The following PCDHA13 variants were observed in gnomAD, a reference collection of about 807,000 sequenced individuals.
PCDHA13 encodes the protein protocadherin alpha-13.
A neutral mutation model predicts 64.8 loss-of-function variants in PCDHA13; 54 were observed. The ratio of observed to expected loss-of-function variants is 0.83; its 90% CI spans 0.67 to 1.04. The LOEUF (loss-of-function observed/expected upper bound fraction) is 1.04. Among genes scored for constraint, PCDHA13 ranks in the 50% least tolerant of loss-of-function variants. The pLI is 0.00. For missense variants in PCDHA13, 1,248 were observed against 1,254.3 expected (o/e 0.99, Z 0.08); for synonymous variants, 587 against 564.4 (o/e 1.04, Z -0.57).
intron 1 of PCDHA13, among the ~76,000 whole-genome samples, chr5:140,889,267 A>T (rs1376262292): frequency 6.6e-6 from 1 of 151,966 alleles, no homozygotes; most frequent in Non-Finnish European, 1.5e-5. Context: ...AAGTTTGTAT[A>T]ATCTTTGAAT....
chr5:140,946,631 T>TATATACACAC (rs57893927), intron 1 of PCDHA13, among the ~76,000 whole-genome samples: 7 of 131,846 alleles, frequency 5.3e-5, no homozygotes, highest in Non-Finnish European at 1.1e-4. Context: ...TATATATATA[T>TATATACACAC]ACAATGGAAT....
intron 1 of PCDHA13, chr5:140,968,123 C>A: frequency 6.2e-7 from 1 of 1,614,178 alleles, no homozygotes; most frequent in Non-Finnish European, 8.5e-7. Context: ...CACATCCCTG[C>A]GTACACTGAA....
At chr5:140,952,345 A>G (rs1199209045) in intron 1 of PCDHA13, among the ~76,000 whole-genome samples, 2 of 151,900 alleles carry the variant, frequency 1.3e-5, no homozygotes, top group Non-Finnish European at 2.9e-5. Context: ...TCTCAAAAAA[A>G]AAAAAAAAAG....
chr5:140,982,475 C>T lies in PCDHA13; in HGVS notation c.2454C>T (p.Ser818=). The change falls in exon 3 of 4, where the codon AGC becomes AGT. Residue 818 remains serine, a splice_region_variant and synonymous_variant. Coordinates refer to ENST00000289272, the MANE Select transcript of PCDHA13 (RefSeq NM_018904.3). ...TATCTGGGTCTGTGTGTTTATTCAG[C>T]TCTGTGCACCTAGAGGAGGCTGGCA... The part of the protein sequence containing the change: ...YSASLRAGMH[S]SVHLEEAGIL... 1 of 1,614,154 alleles carries T rather than the reference C, an allele frequency of 6.2e-7. No homozygotes were observed. Among genetic ancestry groups the T allele is most frequent in the African/African-American group, 1.3e-5 (1 of 75,040 alleles).
chr5:140,999,056 C>T (rs1256829495), intron 3 of PCDHA13, among the ~76,000 whole-genome samples: 4 of 152,212 alleles, frequency 2.6e-5, no homozygotes, highest in Non-Finnish European at 5.9e-5. Context: ...TCCACCATGC[C>T]TAAGTAGTCT....
intron 1 of PCDHA13, chr5:140,967,982 G>T (rs1563372383): frequency 1.9e-6 from 3 of 1,614,224 alleles, no homozygotes; most frequent in Non-Finnish European, 2.5e-6. Context: ...GGGTCTGGAG[G>T]CCACACTGCC....
chr5:141,005,118 C>T (rs546410334), intron 3 of PCDHA13, among the ~76,000 whole-genome samples: 1 of 152,198 alleles, frequency 6.6e-6, no homozygotes, highest in South Asian at 2.1e-4. Flanking sequence ...CTTTAGGGAC[C>T]CCAAAAGTGC....
intron 1 of PCDHA13, among the ~76,000 whole-genome samples, chr5:140,916,135 T>TG (rs1178819787): frequency 6.6e-6 from 1 of 152,126 alleles, no homozygotes; most frequent in Non-Finnish European, 1.5e-5. Flanking sequence ...GCTTAAGGGC[T>TG]GTTCAGTTGT....
rs369534214 is a variant in PCDHA13, at chr5:140,883,757, C to A, written c.1489C>A (p.Arg497=). The part of the protein sequence containing the change: ...NALVSYSLVE[R]RVGERALSSY... ...GCTGGTCTCCTACTCGCTGGTGGAG[C>A]GGCGGGTGGGCGAGCGTGCGCTGTC... The change falls in exon 1 of 4, where the codon CGG becomes AGG. Residue 497 remains arginine (R), a synonymous_variant. Coordinates refer to ENST00000289272, the MANE Select transcript of PCDHA13 (RefSeq NM_018904.3). 1.1e-4 allele frequency: 175 copies of A among 1,612,790 alleles called. No individual in the cohort carries two copies. Among genetic ancestry groups the A allele is most frequent in the Non-Finnish European group, 1.5e-4 (172 of 1,179,756 alleles).
At chr5:140,966,839 C>T (rs782091529) in intron 1 of PCDHA13, 14 of 1,567,058 alleles carry the variant, frequency 8.9e-6, no homozygotes, top group Non-Finnish European at 1.1e-5. Flanking sequence ...CTGGCTGCTG[C>T]TACTGCCTCT....
At position 140,884,416 on chromosome 5, in the gene PCDHA13, G is replaced by T. The variant is rs1035372416; in HGVS notation, c.2148G>T (p.Leu716=). ...AVSSLLVLTL[L]LYTALRCSAP... is the part of the protein sequence containing the mutation. ...CCAGCCTGTTGGTGCTCACGTTGCTGCTGTATACTGCGCTGCGGTGCTCGG... is the reference window on the plus strand; with the variant it reads ...CCAGCCTGTTGGTGCTCACGTTGCTTCTGTATACTGCGCTGCGGTGCTCGG... Residue 716 remains leucine (L), a synonymous_variant, in exon 1 of 4, where the codon CTG becomes CTT. Coordinates refer to ENST00000289272, the MANE Select transcript of PCDHA13 (RefSeq NM_018904.3). 2 of 1,614,006 alleles carry T rather than the reference G, an allele frequency of 1.2e-6. No individual in the cohort carries two copies. Among genetic ancestry groups the T allele is most frequent in the East Asian group, 4.5e-5 (2 of 44,872 alleles).
chr5:140,969,586 C>A lies in PCDHA13; in HGVS notation c.2395-9363C>A. The A allele has an allele frequency of 3.4e-6, 3 of 894,952 alleles. No homozygotes were observed. In the Admixed American group the frequency reaches 9.0e-5, roughly 27 times the overall value. The allele number at this position is 894,952 out of a possible 1,614,324, so 55.4% of individuals were successfully genotyped here. A position where few individuals can be genotyped will look rare whatever the true frequency, so the allele number is the denominator to read the frequency against. ...AATTGTTTGAGAAGTGAGGATTAGT[C>A]TTAATATTTAATGCTAAAACACAGA... On this transcript the variant is annotated intron_variant, in intron 1 of 3. Transcript: ENST00000289272.
At chr5:140,941,198 T>TCTTC (rs202127003) in intron 1 of PCDHA13, among the ~76,000 whole-genome samples, 5 of 119,810 alleles carry the variant, frequency 4.2e-5, no homozygotes, top group Non-Finnish European at 7.0e-5. Flanking sequence ...TTTTTTTCTT[T>TCTTC]CTTCCTTTCT....
chr5:140,949,664 A>T (rs2094409163), intron 1 of PCDHA13, among the ~76,000 whole-genome samples: 1 of 151,578 alleles, frequency 6.6e-6, no homozygotes, highest in African/African-American at 2.4e-5. Context: ...TTGTTTCTTT[A>T]AAGTATGCCC....
intron 2 of PCDHA13, 176 bp downstream of exon 2, chr5:140,979,183 G>C (rs2096838721): frequency 1.1e-6 from 1 of 925,482 alleles, no homozygotes; most frequent in Admixed American, 6.2e-5. Context: ...CAAATGGTCA[G>C]TGCCAGATGC....
chr5:140,980,877 C>T (rs1321284538), intron 2 of PCDHA13, among the ~76,000 whole-genome samples: 9 of 152,186 alleles, frequency 5.9e-5, no homozygotes, highest in African/African-American at 1.7e-4. Flanking sequence ...TGGGTGTTCT[C>T]GGTCTTTCCA....
At chr5:140,922,715 G>A (rs1221596173) in intron 1 of PCDHA13, among the ~76,000 whole-genome samples, 1 of 152,038 alleles carries the variant, frequency 6.6e-6, no homozygotes, top group East Asian at 1.9e-4. Flanking sequence ...AGAACAAAAA[G>A]AAACACTTGA....
At chr5:140,917,876 C>CT (rs575141569) in intron 1 of PCDHA13, among the ~76,000 whole-genome samples, 41 of 147,132 alleles carry the variant, frequency 2.8e-4, no homozygotes, top group Admixed American at 1.6e-3. Context: ...TATTTGGGCT[C>CT]TTTTTTTTTT....
chr5:140,987,398 A>G (rs935672912), intron 3 of PCDHA13, among the ~76,000 whole-genome samples: 4 of 152,140 alleles, frequency 2.6e-5, no homozygotes, highest in African/African-American at 9.7e-5. Context: ...CAAGGAAGCC[A>G]TCTGTTTATG....
Sources: allele counts gnomAD v4.1 joint callset (sites outside exome capture counted in the v4.1 genomes callset), GRCh38; gene constraint gnomAD v4.1.1; transcripts MANE v1.5; gene names NCBI Gene and HGNC (gene_info 2026-07-23, HGNC 2026-07-21).